The following IQSEC1 variants were observed in gnomAD, a reference collection of about 807,000 sequenced individuals.
IQSEC1 encodes IQ motif and SEC7 domain-containing protein 1.
In IQSEC1, 31 loss-of-function variants were observed where a neutral mutation model predicts 91.0. The observed-to-expected ratio is 0.34, with a 90% CI of 0.26 to 0.46. IQSEC1 has a LOEUF of 0.46. Ranked by LOEUF, IQSEC1 falls within the 20% of genes least tolerant of loss-of-function variation. The probability of loss-of-function intolerance (pLI) is 1.00; values close to 1 mark genes in which losing one functional copy is unlikely to be tolerated. For missense variants in IQSEC1, 1,388 were observed against 1,575.6 expected (o/e 0.88, Z 2.02); for synonymous variants, 699 against 662.6 (o/e 1.05, Z -0.84).
At position 12,936,186 on chromosome 3, in the gene IQSEC1, C is replaced by A; in HGVS notation, c.830G>T (p.Arg277Leu). The A allele has an allele frequency of 6.2e-7, 1 of 1,612,916 alleles. No homozygotes were observed. Among genetic ancestry groups the A allele is most frequent in the Non-Finnish European group, 8.5e-7 (1 of 1,179,964 alleles). Residue 277 changes from arginine (R) to leucine (L), a missense_variant, in exon 3 of 14, where the codon CGC (arginine) becomes CTC (leucine). By Grantham distance (102) the Arg-to-Leu change is moderately radical. This residue lies in a region of IQSEC1 where 1,059 missense variants were observed against 1,317.8 expected (regional missense o/e 0.80). Transcript: ENST00000613206. ...PQTALHGMDH[R>L]KLDEMTASYS... Reference sequence around the variant, plus strand: ...CGAGGCCGTCATCTCGTCCAGTTTGCGGTGGTCCATGCCGTGCAGGGCTGT... The same window carrying A: ...CGAGGCCGTCATCTCGTCCAGTTTGAGGTGGTCCATGCCGTGCAGGGCTGT...
chr3:12,900,917 A>C lies in IQSEC1; in HGVS notation c.*66T>G, dbSNP rs1559594310. 2 of 1,535,872 alleles carry C rather than the reference A, an allele frequency of 1.3e-6. No individual in the cohort carries two copies. Among genetic ancestry groups the C allele is most frequent in the South Asian group, 1.2e-5 (1 of 83,934 alleles). On this transcript the variant is annotated 3_prime_UTR_variant, in exon 14 of 14. Transcript: ENST00000613206. ...CCCCGGGTTTGGTGTGCGGCTGGCG[A>C]CCCCCGGGCGTGCCCTGTGTGGTGT... is the stretch of plus-strand genomic sequence containing the variant.
chr3:13,167,196 C>T (rs1245857988), intron 1 of IQSEC1, among the ~76,000 whole-genome samples: 1 of 152,176 alleles, frequency 6.6e-6, no homozygotes, highest in Non-Finnish European at 1.5e-5. Context: ...GATCTAGGAA[C>T]AGGATGATCC....
chr3:13,194,452 C>T (rs1250360162), intron 1 of IQSEC1, among the ~76,000 whole-genome samples: 1 of 152,186 alleles, frequency 6.6e-6, no homozygotes, highest in African/African-American at 2.4e-5. Context: ...TGCCTCCTCC[C>T]AGCGTGCCAG....
chr3:13,046,507 G>GT (rs1457280211), intron 1 of IQSEC1, among the ~76,000 whole-genome samples: 1 of 152,184 alleles, frequency 6.6e-6, no homozygotes, highest in Non-Finnish European at 1.5e-5. Context: ...ACCCTGACAC[G>GT]TGGGGCCCAG....
chr3:12,989,464 C>A (rs112023192), intron 1 of IQSEC1, among the ~76,000 whole-genome samples: 1 of 152,316 alleles, frequency 6.6e-6, no homozygotes, highest in Non-Finnish European at 1.5e-5. Context: ...ACCATCATCA[C>A]CCCATTTTAA....
chr3:13,013,698 A>T (rs1199175409), intron 1 of IQSEC1, among the ~76,000 whole-genome samples: 2 of 151,560 alleles, frequency 1.3e-5, no homozygotes, highest in Non-Finnish European at 2.9e-5. Flanking sequence ...ATATTGCTTG[A>T]CTCCCCAACA....
intron 1 of IQSEC1, among the ~76,000 whole-genome samples, chr3:13,052,320 G>A (rs938302091): frequency 2.0e-4 from 31 of 152,154 alleles, no homozygotes; most frequent in Admixed American, 4.6e-4. Flanking sequence ...TTTTAAGACC[G>A]GCTTTCTGCA....
At chr3:13,277,565 T>C (rs1695711509) in intron 1 of IQSEC1, among the ~76,000 whole-genome samples, 1 of 152,118 alleles carries the variant, frequency 6.6e-6, no homozygotes, top group Admixed American at 6.6e-5. Flanking sequence ...TGCTGGAAAA[T>C]GAGAATCACT....
At chr3:13,137,198 G>T (rs1015067122) in intron 2 of IQSEC1, among the ~76,000 whole-genome samples, 1 of 152,152 alleles carries the variant, frequency 6.6e-6, no homozygotes, top group Non-Finnish European at 1.5e-5. Context: ...TAATCCGGCA[G>T]GTCCACTCTT....
Position 12,899,290 on chromosome 3 carries a change from A to G in IQSEC1, c.*1693T>C. 7.5e-7 allele frequency: 1 copy of G among 1,330,132 alleles called. No individual in the cohort carries two copies. The highest frequency in any genetic ancestry group is 1.1e-6 in the Non-Finnish European group (1 of 949,958). The allele number at this position is 1,330,132 out of a possible 1,614,324, so 82.4% of individuals were successfully genotyped here. ...CGGCTCACCACGCTGTCCACTGGGA[A>G]CGCGGCCCCGCGGCCCGCAGAGTCA... On this transcript the variant is annotated 3_prime_UTR_variant, in exon 14 of 14. Transcript: ENST00000613206.
intron 2 of IQSEC1, among the ~76,000 whole-genome samples, chr3:13,113,694 C>T (rs767451999): frequency 1.1e-4 from 17 of 152,152 alleles, no homozygotes; most frequent in South Asian, 2.1e-4. Flanking sequence ...CCTACACTGT[C>T]GAGAACGGTC....
At chr3:12,907,489 C>T (rs1370543288) in intron 12 of IQSEC1, among the ~76,000 whole-genome samples, 3 of 152,202 alleles carry the variant, frequency 2.0e-5, no homozygotes, top group East Asian at 1.9e-4. Context: ...GGGAGAAGCT[C>T]GCTGACTGGT....
intron 1 of IQSEC1, among the ~76,000 whole-genome samples, chr3:13,069,023 C>T (rs1040785762): frequency 2.6e-5 from 4 of 152,198 alleles, no homozygotes; most frequent in Admixed American, 6.5e-5. Context: ...CCTGGTTATG[C>T]GGCCTTGGCT....
chr3:13,206,982 C>T (rs1023618997), intron 1 of IQSEC1, among the ~76,000 whole-genome samples: 4 of 152,048 alleles, frequency 2.6e-5, no homozygotes, highest in Non-Finnish European at 4.4e-5. Flanking sequence ...CCCCAGCTCC[C>T]GGCACCTCCC....
At chr3:13,228,096 G>A (rs987540642) in intron 1 of IQSEC1, among the ~76,000 whole-genome samples, 12 of 152,288 alleles carry the variant, frequency 7.9e-5, no homozygotes, top group Middle Eastern at 3.4e-3. Flanking sequence ...TGACCTCCAG[G>A]CAGCCCGGCT....
intron 1 of IQSEC1, among the ~76,000 whole-genome samples, chr3:13,180,054 C>A (rs1479839292): frequency 5.3e-5 from 8 of 152,238 alleles, no homozygotes; most frequent in African/African-American, 1.9e-4. Context: ...CCGCACCCTG[C>A]TCCACGGCGC....
chr3:13,095,318 C>G (rs1276503190), intron 2 of IQSEC1, among the ~76,000 whole-genome samples: 1 of 151,996 alleles, frequency 6.6e-6, no homozygotes, highest in Non-Finnish European at 1.5e-5. Context: ...GAAAAATGCA[C>G]ATTCTCGGGT....
At chr3:12,972,174 G>A (rs1280258229) in intron 1 of IQSEC1, among the ~76,000 whole-genome samples, 1 of 151,670 alleles carries the variant, frequency 6.6e-6, no homozygotes, top group African/African-American at 2.4e-5. Context: ...AGCTAGGCAT[G>A]ATGGCATGTG....
intron 2 of IQSEC1, among the ~76,000 whole-genome samples, chr3:13,111,356 C>A (rs1706241759): frequency 6.6e-6 from 1 of 152,186 alleles, no homozygotes; most frequent in Admixed American, 6.5e-5. Flanking sequence ...CTGCTGGTGG[C>A]TTTCTCATCC....
Sources: allele counts gnomAD v4.1 joint callset (sites outside exome capture counted in the v4.1 genomes callset), GRCh38; gene constraint gnomAD v4.1.1; regional missense constraint gnomAD v4.1.1; transcripts MANE v1.5; gene names NCBI Gene and HGNC (gene_info 2026-07-23, HGNC 2026-07-21).